The following UBE2E2 variants were observed in gnomAD, a reference collection of about 807,000 sequenced individuals.
UBE2E2 encodes the protein ubiquitin conjugating enzyme E2 E2, also known as ubiquitin-conjugating enzyme E2 E2.
Under a neutral mutation model 24.7 loss-of-function variants are expected in UBE2E2, and 6 were observed. The ratio of observed to expected loss-of-function variants is 0.24; its 90% CI spans 0.13 to 0.48. The LOEUF (loss-of-function observed/expected upper bound fraction) is 0.48. UBE2E2 is among the 20% of genes least tolerant of loss of function. The pLI is 0.99. For missense variants in UBE2E2, 169 were observed against 245.0 expected, an observed-to-expected ratio of 0.69 and a Z score of 2.07; for synonymous variants, 104 against 83.6, an observed-to-expected ratio of 1.24 and a Z score of -1.33.
chr3:23,465,292 A>T (rs1201243843), intron 3 of UBE2E2, among the ~76,000 whole-genome samples: 1 of 152,212 alleles, frequency 6.6e-6, no homozygotes, highest in Non-Finnish European at 1.5e-5. Flanking sequence ...GAGCTGTGTT[A>T]TTCCAAAGCC....
At chr3:23,440,296 T>C (rs1698276782) in intron 3 of UBE2E2, among the ~76,000 whole-genome samples, 1 of 151,980 alleles carries the variant, frequency 6.6e-6, no homozygotes, top group Admixed American at 6.6e-5. Context: ...GGAAAAATAA[T>C]GGGGTCTCAC....
intron 5 of UBE2E2, among the ~76,000 whole-genome samples, chr3:23,536,951 G>C (rs1695279459): frequency 6.6e-6 from 1 of 152,158 alleles, no homozygotes; most frequent in African/African-American, 2.4e-5. Context: ...TTAGTGAAAC[G>C]AGATAATGTA....
At chr3:23,459,096 C>T (rs1173565789) in intron 3 of UBE2E2, among the ~76,000 whole-genome samples, 1 of 152,188 alleles carries the variant, frequency 6.6e-6, no homozygotes, top group Non-Finnish European at 1.5e-5. Flanking sequence ...TGTGCCCATA[C>T]AGATTTAAAC....
chr3:23,230,550 C>T (rs556257351), intron 3 of UBE2E2, among the ~76,000 whole-genome samples: 4 of 152,104 alleles, frequency 2.6e-5, no homozygotes, highest in South Asian at 2.1e-4. Context: ...TTTGGGAGGC[C>T]GAGGCGGGTG....
At chr3:23,320,270 C>T in intron 3 of UBE2E2, among the ~76,000 whole-genome samples, 1 of 152,230 alleles carries the variant, frequency 6.6e-6, no homozygotes, top group Non-Finnish European at 1.5e-5. Flanking sequence ...GTTATTATCT[C>T]CAACTGGATG....
At chr3:23,219,151 G>C (rs543371988) in intron 3 of UBE2E2, among the ~76,000 whole-genome samples, 3 of 152,312 alleles carry the variant, frequency 2.0e-5, no homozygotes, top group East Asian at 3.9e-4. Context: ...TAGGTCTGCA[G>C]TGCAGTGGCT....
intron 5 of UBE2E2, among the ~76,000 whole-genome samples, chr3:23,548,472 G>A (rs140636585): frequency 8.7e-4 from 133 of 152,290 alleles, no homozygotes; most frequent in Admixed American, 7.3e-3. Context: ...CAAGCTGGAA[G>A]CCTAACCCTC....
intron 2 of UBE2E2, among the ~76,000 whole-genome samples, chr3:23,210,725 C>G (rs1696300079): frequency 6.6e-6 from 1 of 152,136 alleles, no homozygotes; most frequent in Non-Finnish European, 1.5e-5. Flanking sequence ...GGTTGTATTG[C>G]ATTGGTGAAA....
intron 5 of UBE2E2, among the ~76,000 whole-genome samples, chr3:23,568,611 A>G (rs1354847026): frequency 7.1e-4 from 1 of 1,418 alleles, no homozygotes; most frequent in Non-Finnish European, 6.0e-3. Flanking sequence ...GTATACATAT[A>G]TACACACACA....
chr3:23,510,604 C>CAA (rs530094447), intron 4 of UBE2E2, among the ~76,000 whole-genome samples: 2 of 140,110 alleles, frequency 1.4e-5, no homozygotes, highest in Non-Finnish European at 1.6e-5. Flanking sequence ...AAGACTGGGT[C>CAA]AAAAAAAAAA....
At chr3:23,468,335 T>G (rs1698966230) in intron 3 of UBE2E2, among the ~76,000 whole-genome samples, 1 of 152,208 alleles carries the variant, frequency 6.6e-6, no homozygotes, top group Non-Finnish European at 1.5e-5. Flanking sequence ...TCCAATAAAA[T>G]CTATGTACAC....
At chr3:23,414,109 TACA>T (rs1472960307) in intron 3 of UBE2E2, among the ~76,000 whole-genome samples, 4 of 152,326 alleles carry the variant, frequency 2.6e-5, no homozygotes, top group African/African-American at 9.6e-5. Flanking sequence ...TATCCCAATG[TACA>T]ACAATTCAGC....
chr3:23,359,968 C>T (rs191257720), intron 3 of UBE2E2, among the ~76,000 whole-genome samples: 145 of 139,024 alleles, frequency 1.0e-3, no homozygotes, highest in African/African-American at 3.7e-3. Context: ...AGCCAGTCCT[C>T]TCTCTTGATG....
chr3:23,472,541 A>G (rs1324164141), intron 3 of UBE2E2, among the ~76,000 whole-genome samples: 1 of 151,078 alleles, frequency 6.6e-6, no homozygotes, highest in Non-Finnish European at 1.5e-5. Flanking sequence ...ACCAATAGAA[A>G]TAACTTCACA....
At chr3:23,346,838 T>C (rs2125315046) in intron 3 of UBE2E2, among the ~76,000 whole-genome samples, 1 of 152,332 alleles carries the variant, frequency 6.6e-6, no homozygotes, top group Middle Eastern at 3.4e-3. Flanking sequence ...ATATGAAAAC[T>C]TCTAATTCAC....
chr3:23,569,308 C>G (rs556567155), intron 5 of UBE2E2, among the ~76,000 whole-genome samples: 3 of 152,260 alleles, frequency 2.0e-5, no homozygotes, highest in South Asian at 4.2e-4. Context: ...AGTAGATACC[C>G]AGACCTAGGA....
intron 3 of UBE2E2, among the ~76,000 whole-genome samples, chr3:23,295,215 T>C (rs2125253257): frequency 6.6e-6 from 1 of 152,364 alleles, no homozygotes; most frequent in South Asian, 2.1e-4. Flanking sequence ...CCATTCTTGC[T>C]CTCTGAAACT....
chr3:23,473,683 T>A (rs1441466806), intron 3 of UBE2E2, among the ~76,000 whole-genome samples: 2 of 152,226 alleles, frequency 1.3e-5, no homozygotes, highest in Non-Finnish European at 2.9e-5. Context: ...GAACATACGA[T>A]GTTTGGTTTT....
At chr3:23,270,326 T>C (rs1175102679) in intron 3 of UBE2E2, among the ~76,000 whole-genome samples, 3 of 152,096 alleles carry the variant, frequency 2.0e-5, no homozygotes, top group African/African-American at 7.2e-5. Context: ...GTGCCATGCA[T>C]GTGCTGCGAT....
Sources: allele counts gnomAD v4.1 joint callset (sites outside exome capture counted in the v4.1 genomes callset), GRCh38; gene constraint gnomAD v4.1.1; transcripts MANE v1.5; gene names NCBI Gene and HGNC (gene_info 2026-07-23, HGNC 2026-07-21).